Variants in ZMYM6 observed in about 807,000 individuals in gnomAD.
ZMYM6 encodes zinc finger MYM-type containing 6, also known as zinc finger MYM-type protein 6.
ZMYM6 carries 90 observed loss-of-function variants against 134.0 expected under a neutral mutation model. The observed-to-expected ratio is 0.67, with a 90% CI of 0.57 to 0.80. ZMYM6 has a LOEUF of 0.80. ZMYM6 is among the 30% of genes least tolerant of loss of function. ZMYM6 has a pLI of 0.00. For missense variants in ZMYM6, 1,362 were observed against 1,533.9 expected (o/e 0.89, Z 1.87); for synonymous variants, 481 against 524.1 (o/e 0.92, Z 1.12).
At chr1:35,015,851 C>A (rs903366554) in intron 4 of ZMYM6, among the ~76,000 whole-genome samples, 2 of 150,772 alleles carry the variant, frequency 1.3e-5, no homozygotes, top group African/African-American at 2.4e-5. Context: ...CAGTGTCCAT[C>A]CCACAACTCC....
intron 2 of ZMYM6, among the ~76,000 whole-genome samples, chr1:35,026,505 C>G (rs1465349268): frequency 6.6e-6 from 1 of 152,080 alleles, no homozygotes; most frequent in Admixed American, 6.6e-5. Context: ...AAAAATATAG[C>G]CTATTCACCT....
chr1:35,026,628 T>C lies in ZMYM6; in HGVS notation c.93+3919A>G, dbSNP rs72909443. Among the ~76,000 whole-genome samples, 1,028 of 152,304 alleles carry C rather than the reference T, an allele frequency of 6.7e-3. 11 individuals are homozygous for C. The highest frequency in any genetic ancestry group is 0.023 in the African/African-American group (942 of 41,568). On this transcript the variant is annotated intron_variant, in intron 2 of 15. Coordinates refer to ENST00000357182, the MANE Select transcript of ZMYM6 (RefSeq NM_007167.4). The stretch of plus-strand genomic sequence containing the variant: ...ACAATTTTTATATTCAGAAAGAACA[T>C]TGAATTAACTTAAAGCACATTATTT...
intron 13 of ZMYM6, 52 bp from the exon 14 acceptor site, chr1:35,004,057 C>T: frequency 6.7e-7 from 1 of 1,483,796 alleles, no homozygotes; most frequent in East Asian, 2.3e-5. Context: ...CAGAAGTAAA[C>T]ACTGAAATCA....
At chr1:35,006,865 TG>T in intron 12 of ZMYM6, 85 bp downstream of exon 12, 1 of 1,206,284 alleles carries the variant, frequency 8.3e-7, no homozygotes, top group Non-Finnish European at 1.1e-6. Flanking sequence ...AATGAAATTT[TG>T]TTTTTATTAT....
intron 14 of ZMYM6, among the ~76,000 whole-genome samples, chr1:34,992,606 A>ATATAAATATAAAAATACATTTATAAAC (rs1557558131): frequency 7.7e-5 from 9 of 117,214 alleles, no homozygotes; most frequent in African/African-American, 5.0e-4. Flanking sequence ...ACATTTATAA[A>ATATAAATATAAAAATACATTTATAAAC]TATAAATATA....
intron 15 of ZMYM6, chr1:34,990,284 G>A (rs779531343): frequency 2.5e-5 from 7 of 275,682 alleles, no homozygotes; most frequent in South Asian, 6.2e-5. Flanking sequence ...TTTGAGACCA[G>A]CGTTGCCAAC....
chr1:34,996,164 T>C (rs78523537), intron 14 of ZMYM6, among the ~76,000 whole-genome samples: 2,983 of 152,310 alleles, frequency 0.02, 102 homozygotes, highest in African/African-American at 0.068. Flanking sequence ...CTGATGGTAC[T>C]GATAGACATT....
chr1:35,015,617 G>A (rs939221684), intron 4 of ZMYM6, among the ~76,000 whole-genome samples: 6 of 150,284 alleles, frequency 4.0e-5, no homozygotes, highest in South Asian at 2.1e-4. Context: ...CCAGCTACTC[G>A]GGAGGCTGAG....
intron 15 of ZMYM6, among the ~76,000 whole-genome samples, chr1:34,991,705 G>A (rs1263373920): frequency 1.3e-5 from 2 of 152,036 alleles, no homozygotes; most frequent in Non-Finnish European, 2.9e-5. Flanking sequence ...AGGAGGCAGA[G>A]GTTATAGGGA....
chr1:35,009,987 A>G (rs987517686), intron 10 of ZMYM6, among the ~76,000 whole-genome samples: 1 of 152,174 alleles, frequency 6.6e-6, no homozygotes, highest in African/African-American at 2.4e-5. Flanking sequence ...TTTAAAGTGA[A>G]TTAACTATAA....
At chr1:35,023,918 G>A (rs543651795) in intron 2 of ZMYM6, among the ~76,000 whole-genome samples, 13 of 152,162 alleles carry the variant, frequency 8.5e-5, no homozygotes, top group South Asian at 8.3e-4. Flanking sequence ...CACCGCGCCC[G>A]GCCAGATTCA....
chr1:35,018,514 TATAA>T (rs1459415588), intron 4 of ZMYM6: 2 of 151,708 alleles, frequency 1.3e-5, no homozygotes, highest in Non-Finnish European at 2.9e-5. Context: ...TTATGTTAAT[TATAA>T]ATAATCGCAC....
At chr1:34,994,999 A>G (rs905072905) in intron 14 of ZMYM6, among the ~76,000 whole-genome samples, 1 of 138,898 alleles carries the variant, frequency 7.2e-6, no homozygotes, top group Non-Finnish European at 1.5e-5. Context: ...ATATGTATAT[A>G]TGTATACATA....
intron 11 of ZMYM6, 64 bp from the exon 12 acceptor site, chr1:35,007,162 T>A (rs922704900): frequency 6.7e-6 from 10 of 1,498,828 alleles, no homozygotes; most frequent in Non-Finnish European, 8.9e-6. Context: ...ATAACATTAA[T>A]CATAAAAAGA....
chr1:35,007,715 G>C (rs972767906), intron 11 of ZMYM6, among the ~76,000 whole-genome samples: 1 of 151,834 alleles, frequency 6.6e-6, no homozygotes, highest in Non-Finnish European at 1.5e-5. Context: ...TGAGGCAGGA[G>C]AATCACTTGA....
rs1201730540 is a variant in ZMYM6, at chr1:35,020,363, T to C, written c.178+20A>G. ...ATAAGCAAATTAATTGTAACTAACT[T>C]ATACAGTTCCATTTCTTACCAATAG... On this transcript the variant is annotated intron_variant, in intron 3 of 15. Coordinates refer to ENST00000357182, the MANE Select transcript of ZMYM6 (RefSeq NM_007167.4). 2 of 1,583,838 alleles carry C rather than the reference T, an allele frequency of 1.3e-6. No individual in the cohort carries two copies. The highest frequency in any genetic ancestry group is 2.7e-5 in the African/African-American group (2 of 73,210).
In ZMYM6 at chr1:35,013,256, G is replaced by A. The variant is rs1004319859; in HGVS notation, c.796-675C>T. ...CTCTCAAAAATTACATTAACAAAAA[G>A]TTTAAATTAACAGATGAGCAGAAGA... is the stretch of plus-strand genomic sequence containing the variant. On this transcript the variant is annotated intron_variant, in intron 6 of 15. Coordinates refer to ENST00000357182, the MANE Select transcript of ZMYM6 (RefSeq NM_007167.4). 3.2e-5 allele frequency: 25 copies of A among 786,672 alleles called. No individual in the cohort carries two copies. In the South Asian group the frequency reaches 8.7e-4, roughly 28 times the overall value. 48.7% of individuals were successfully genotyped at this position (786,672 alleles called of 1,614,324 possible).
In ZMYM6 at chr1:34,987,370, GCT is replaced by G; in HGVS notation, c.3710_3711del (p.Glu1237AlafsTer12). The part of the protein sequence containing the change: ...LTDFEEEKLT[E>X]LSSDLGLQAL... ...GCTTGTAATCCTAAATCTGAAGATA[GCT>G]CTGTTAGCTTTTCTTCTTCGAAGTC... On this transcript the variant is annotated frameshift_variant, in exon 16 of 16. Transcript: ENST00000357182. LOFTEE classifies it high-confidence loss of function. The G allele has an allele frequency of 6.2e-7, 1 of 1,614,008 alleles. No individual in the cohort carries two copies. Among genetic ancestry groups the G allele is most frequent in the Non-Finnish European group, 8.5e-7 (1 of 1,179,990 alleles).
chr1:35,018,252 G>A (rs1641241082), intron 4 of ZMYM6: 2 of 152,100 alleles, frequency 1.3e-5, no homozygotes, highest in South Asian at 2.1e-4. Context: ...GCTGAGGTGG[G>A]AGGATCATCT....
Sources: gnomAD v4.1 joint callset for allele counts (sites outside exome capture counted in the v4.1 genomes callset) on GRCh38, gnomAD v4.1.1 for gene constraint, MANE v1.5 for transcripts, NCBI Gene and HGNC (gene_info 2026-07-23, HGNC 2026-07-21) for gene names.